ERICH1: variants seen among roughly 807,000 people sequenced by gnomAD.
ERICH1 encodes the protein glutamate rich 1.
Under a neutral mutation model 39.6 loss-of-function variants are expected in ERICH1, and 56 were observed. The ratio of observed to expected loss-of-function variants is 1.41; its 90% confidence interval spans 1.14 to 1.77. The LOEUF (loss-of-function observed/expected upper bound fraction) is 1.77, where lower values mean the gene tolerates loss of function less well. ERICH1 is among the 40% of genes most tolerant of loss of function. The pLI is 0.00. For synonymous variants in ERICH1, 313 were observed against 223.6 expected, an observed-to-expected ratio of 1.40 and a Z score of -3.57; for missense variants, 826 against 575.4, an observed-to-expected ratio of 1.44 and a Z score of -4.45.
At chr8:637,101 GAC>G (rs1194382923) in intron 3 of ERICH1, among the ~76,000 whole-genome samples, 1 of 152,240 alleles carries the variant, frequency 6.6e-6, no homozygotes, top group African/African-American at 2.4e-5. Flanking sequence ...GAAGGCTAAC[GAC>G]ACGTTTCTGC....
chr8:711,256 A>G (rs1244775151), intron 2 of ERICH1, among the ~76,000 whole-genome samples: 1 of 151,982 alleles, frequency 6.6e-6, no homozygotes, highest in Non-Finnish European at 1.5e-5. Context: ...TTTTGAAAAT[A>G]TTTTCTCTAA....
At chr8:729,563 G>A (rs1450646877) in intron 1 of ERICH1, among the ~76,000 whole-genome samples, 1 of 152,204 alleles carries the variant, frequency 6.6e-6, no homozygotes, top group Non-Finnish European at 1.5e-5. Context: ...CCACTCAGCC[G>A]ATGGGCTCTT....
intron 3 of ERICH1, among the ~76,000 whole-genome samples, chr8:631,852 G>A (rs988228668): frequency 6.6e-6 from 1 of 151,948 alleles, no homozygotes. Flanking sequence ...GCCGCCCCCC[G>A]ACCCCCGCCC....
downstream of ERICH1, among the ~76,000 whole-genome samples, chr8:663,862 C>T (rs1801794546): frequency 1.3e-5 from 2 of 152,028 alleles, no homozygotes; most frequent in African/African-American, 4.8e-5. Flanking sequence ...CAGGTTCATG[C>T]CATTCTCTTG....
intron 3 of ERICH1, among the ~76,000 whole-genome samples, chr8:631,327 C>T (rs112453802): frequency 1.5e-3 from 226 of 152,334 alleles, no homozygotes; most frequent in African/African-American, 3.5e-3. Context: ...CTGTTCCAGA[C>T]CCAGTGAGGT....
exon 4 of ERICH1, chr8:615,055 C>T (rs1796843877): frequency 5.1e-6 from 3 of 583,016 alleles, no homozygotes; most frequent in Non-Finnish European, 9.1e-6. Context: ...CTCCCAGCAG[C>T]CCTGTACCCA....
At chr8:641,678 C>G (rs972719929) in intron 3 of ERICH1, among the ~76,000 whole-genome samples, 1 of 152,232 alleles carries the variant, frequency 6.6e-6, no homozygotes, top group Admixed American at 6.5e-5. Context: ...GCGGCCGTCA[C>G]GCCTGGGTAC....
intron 3 of ERICH1, among the ~76,000 whole-genome samples, chr8:638,098 G>A (rs1356734698): frequency 6.6e-6 from 1 of 152,268 alleles, no homozygotes; most frequent in Non-Finnish European, 1.5e-5. Context: ...TGGGGCAGCA[G>A]TCAGGCTGCG....
intron 4 of ERICH1, among the ~76,000 whole-genome samples, chr8:669,707 T>G (rs373137628): frequency 6.6e-6 from 1 of 152,272 alleles, no homozygotes; most frequent in East Asian, 1.9e-4. Context: ...AAGCTCTCTA[T>G]GTCCACATCA....
At chr8:653,549 C>T (rs892346337) in intron 3 of ERICH1, among the ~76,000 whole-genome samples, 14 of 152,184 alleles carry the variant, frequency 9.2e-5, no homozygotes, top group South Asian at 4.1e-4. Context: ...GTTCTGACCA[C>T]GAGGAATCCC....
At chr8:730,834 A>G (rs1482666196) in intron 1 of ERICH1, among the ~76,000 whole-genome samples, 1 of 152,156 alleles carries the variant, frequency 6.6e-6, no homozygotes, top group Non-Finnish European at 1.5e-5. Flanking sequence ...ACTCACCAAC[A>G]GGGGCTCTGC....
intron 2 of ERICH1, among the ~76,000 whole-genome samples, chr8:715,026 C>A (rs1331543820): frequency 6.6e-6 from 1 of 151,274 alleles, no homozygotes; most frequent in African/African-American, 2.4e-5. Flanking sequence ...TGTCTTACAC[C>A]CAGGTGGTCT....
chr8:658,912 C>G (rs976128290), intron 3 of ERICH1, among the ~76,000 whole-genome samples: 1 of 152,222 alleles, frequency 6.6e-6, no homozygotes, highest in African/African-American at 2.4e-5. Context: ...ACTTGCTCTG[C>G]GACCCAGGGG....
intron 3 of ERICH1, among the ~76,000 whole-genome samples, chr8:684,381 G>C: frequency 6.6e-6 from 1 of 152,034 alleles, no homozygotes; most frequent in East Asian, 1.9e-4. Context: ...AATTTAAATA[G>C]TAAATTTAAA....
intron 2 of ERICH1, among the ~76,000 whole-genome samples, chr8:707,486 T>C (rs900230137): frequency 2.0e-5 from 3 of 152,092 alleles, no homozygotes; most frequent in Admixed American, 2.0e-4. Context: ...GGACTACAGG[T>C]GTGAGCCACC....
At chr8:717,827 C>G (rs945360617) in intron 1 of ERICH1, among the ~76,000 whole-genome samples, 6 of 152,230 alleles carry the variant, frequency 3.9e-5, no homozygotes, top group Admixed American at 3.3e-4. Flanking sequence ...TGGTCAGAGC[C>G]AGGCAATGCT....
chr8:674,131 A>G, intron 3 of ERICH1, 84 bp from the exon 4 acceptor site: 1 of 1,429,788 alleles, frequency 7.0e-7, no homozygotes, highest in Non-Finnish European at 9.2e-7. Flanking sequence ...TTCCATCAGG[A>G]TCTTGTAGTT....
intron 3 of ERICH1, among the ~76,000 whole-genome samples, chr8:629,653 G>A (rs367614785): frequency 1.4e-4 from 11 of 80,072 alleles, no homozygotes; most frequent in African/African-American, 3.4e-4. Context: ...ACTCACACCC[G>A]CCTGTGACCA....
rs374804718 is a variant in ERICH1, at chr8:668,079, G to A, written c.1258+519C>T. 47 of 181,308 alleles carry A rather than the reference G, an allele frequency of 2.6e-4. 1 individual carries two copies. The South Asian group carries it at 3.4e-3, about 13-fold the overall frequency. 11.2% of individuals were successfully genotyped at this position (181,308 alleles called of 1,614,324 possible). A position where few individuals can be genotyped will look rare whatever the true frequency, so the allele number is the denominator to read the frequency against. ...ATTTTCAGCATTTGCAGGTTTCTGTGGCCTGAATACCCTCACCACAGCTTG... is the reference window on the plus strand; with the variant it reads ...ATTTTCAGCATTTGCAGGTTTCTGTAGCCTGAATACCCTCACCACAGCTTG... On this transcript the variant is annotated intron_variant, in intron 5 of 5. Coordinates refer to ENST00000262109, the MANE Select transcript of ERICH1 (RefSeq NM_207332.3).
Sources: gnomAD v4.1 joint callset for allele counts (sites outside exome capture counted in the v4.1 genomes callset) on GRCh38, gnomAD v4.1.1 for gene constraint, MANE v1.5 for transcripts, NCBI Gene and HGNC (gene_info 2026-07-23, HGNC 2026-07-21) for gene names.